The following LOC128125818 variants were observed in gnomAD, a reference collection of about 807,000 sequenced individuals.
chr4:6,069,437 G>A, the LOC128125818 span, among the ~76,000 whole-genome samples: 1 of 152,194 alleles, frequency 6.6e-6, no homozygotes, highest in African/African-American at 2.4e-5. The surrounding 1 kb of genome is among the most constrained non-coding windows in gnomAD (Gnocchi z 4.5). Flanking sequence ...TTCTACAGAT[G>A]AATCCAGATT....
chr4:6,067,413 A>T, the LOC128125818 span, among the ~76,000 whole-genome samples: 3 of 152,090 alleles, frequency 2.0e-5, no homozygotes, highest in African/African-American at 7.2e-5. This position sits in a 1 kb window ranked among gnomAD's most constrained non-coding sequence, Gnocchi z 4.6. Context: ...CTTCAATGTC[A>T]TTTCTCTCCT....
the LOC128125818 span, among the ~76,000 whole-genome samples, chr4:6,067,275 A>G: frequency 6.6e-6 from 1 of 152,142 alleles, no homozygotes; most frequent in Non-Finnish European, 1.5e-5. The surrounding 1 kb of genome is among the most constrained non-coding windows in gnomAD (Gnocchi z 4.6). Context: ...CTATCCACAA[A>G]CAGATTTTGT....
the LOC128125818 span, among the ~76,000 whole-genome samples, chr4:6,068,633 C>T: frequency 6.1e-5 from 9 of 147,540 alleles, no homozygotes; most frequent in African/African-American, 2.3e-4. Flanking sequence ...TCTCAACTTA[C>T]TACAACTTCC....
At chr4:6,066,462 T>C in the LOC128125818 span, among the ~76,000 whole-genome samples, 1 of 152,104 alleles carries the variant, frequency 6.6e-6, no homozygotes, top group Non-Finnish European at 1.5e-5. Context: ...CTTTTTAATA[T>C]GCATGGGGAA....
the LOC128125818 span, among the ~76,000 whole-genome samples, chr4:6,065,360 C>G: frequency 1.3e-5 from 2 of 152,250 alleles, no homozygotes; most frequent in African/African-American, 2.4e-5. This position sits in a 1 kb window ranked among gnomAD's most constrained non-coding sequence, Gnocchi z 5.1. Flanking sequence ...GGGGGCCATG[C>G]ATGCCCTGTG....
chr4:6,066,680 G>A, the LOC128125818 span, among the ~76,000 whole-genome samples: 1 of 151,748 alleles, frequency 6.6e-6, no homozygotes, highest in Non-Finnish European at 1.5e-5. Context: ...GCCCTCCCTG[G>A]GAGAAACCCT....
At chr4:6,065,154 T>C in the LOC128125818 span, 1 of 1,000,670 alleles carries the variant, frequency 1.0e-6, no homozygotes, top group Non-Finnish European at 1.5e-6. This position sits in a 1 kb window ranked among gnomAD's most constrained non-coding sequence, Gnocchi z 5.1. Context: ...GTGGGCTTCG[T>C]AACTGACTGG....
chr4:6,065,062 A>G, the LOC128125818 span: 1 of 1,609,758 alleles, frequency 6.2e-7, no homozygotes, highest in South Asian at 1.1e-5. This position sits in a 1 kb window ranked among gnomAD's most constrained non-coding sequence, Gnocchi z 5.1. Context: ...GCCAGAGTCT[A>G]CCAGTCCCTG....
the LOC128125818 span, chr4:6,065,129 CACAA>C: frequency 8.1e-7 from 1 of 1,237,380 alleles, no homozygotes; most frequent in Non-Finnish European, 1.2e-6. This position sits in a 1 kb window ranked among gnomAD's most constrained non-coding sequence, Gnocchi z 5.1. Flanking sequence ...ACTGGGGCAT[CACAA>C]GATGCGGTTG....
the LOC128125818 span, among the ~76,000 whole-genome samples, chr4:6,068,972 T>C: frequency 1.3e-5 from 2 of 152,212 alleles, no homozygotes; most frequent in Admixed American, 1.3e-4. Context: ...TGTTGAGTGA[T>C]TATATTATGC....
the LOC128125818 span, among the ~76,000 whole-genome samples, chr4:6,065,410 A>G: frequency 6.6e-6 from 1 of 152,262 alleles, no homozygotes; most frequent in African/African-American, 2.4e-5. This position sits in a 1 kb window ranked among gnomAD's most constrained non-coding sequence, Gnocchi z 5.1. Context: ...CTCCATGAGC[A>G]GCGCACTGGC....
the LOC128125818 span, among the ~76,000 whole-genome samples, chr4:6,067,075 C>G: frequency 6.6e-6 from 1 of 152,174 alleles, no homozygotes; most frequent in African/African-American, 2.4e-5. This position sits in a 1 kb window ranked among gnomAD's most constrained non-coding sequence, Gnocchi z 4.6. Flanking sequence ...CCGCCCCAGC[C>G]TCTGGGGCCT....
the LOC128125818 span, among the ~76,000 whole-genome samples, chr4:6,068,813 G>A: frequency 2.0e-5 from 3 of 152,116 alleles, no homozygotes; most frequent in Non-Finnish European, 2.9e-5. Flanking sequence ...CAAGTGATCC[G>A]TCTACCTCGA....
chr4:6,068,653 G>A, the LOC128125818 span, among the ~76,000 whole-genome samples: 4,107 of 149,014 alleles, frequency 0.028, 169 homozygotes, highest in African/African-American at 0.096. Flanking sequence ...CGTCTCCCAA[G>A]TTCAAGCGAT....
chr4:6,065,914 G>A, the LOC128125818 span, among the ~76,000 whole-genome samples: 1 of 152,190 alleles, frequency 6.6e-6, no homozygotes, highest in Non-Finnish European at 1.5e-5. The surrounding 1 kb of genome is among the most constrained non-coding windows in gnomAD (Gnocchi z 5.1). Flanking sequence ...GCCCCAAGGA[G>A]CTTGCATCCC....
chr4:6,069,676 C>G, the LOC128125818 span, among the ~76,000 whole-genome samples: 2 of 151,162 alleles, frequency 1.3e-5, no homozygotes, highest in Non-Finnish European at 2.9e-5. This position sits in a 1 kb window ranked among gnomAD's most constrained non-coding sequence, Gnocchi z 4.5. Flanking sequence ...TTACTTGAGC[C>G]TGGGAGGTTG....
chr4:6,070,002 C>T, the LOC128125818 span: 1 of 398,428 alleles, frequency 2.5e-6, no homozygotes, highest in Non-Finnish European at 4.4e-6. Flanking sequence ...CGGTCGGCCA[C>T]AGCCAGGGAC....
the LOC128125818 span, among the ~76,000 whole-genome samples, chr4:6,069,684 T>A: frequency 6.6e-6 from 1 of 150,874 alleles, no homozygotes; most frequent in Non-Finnish European, 1.5e-5. This position sits in a 1 kb window ranked among gnomAD's most constrained non-coding sequence, Gnocchi z 4.5. Context: ...GCCTGGGAGG[T>A]TGGGGCTGCA....
At chr4:6,066,908 C>A in the LOC128125818 span, among the ~76,000 whole-genome samples, 2 of 152,178 alleles carry the variant, frequency 1.3e-5, no homozygotes, top group Admixed American at 6.5e-5. Context: ...GGCTTCTGCA[C>A]CCCACACACA....
Sources: allele counts gnomAD v4.1 joint callset (sites outside exome capture counted in the v4.1 genomes callset), GRCh38; gene constraint gnomAD v4.1.1; non-coding constraint Gnocchi (gnomAD v3.1); transcripts MANE v1.5.